DLGAP2: variants seen among roughly 807,000 people sequenced by gnomAD.
The protein encoded by DLGAP2 is disks large-associated protein 2.
In DLGAP2, 26 loss-of-function variants were observed where a neutral mutation model predicts 100.3. That is an observed-to-expected ratio of 0.26 (90% confidence interval 0.19 to 0.36). The LOEUF (loss-of-function observed/expected upper bound fraction) is 0.36, where lower values mean the gene tolerates loss of function less well. Among genes scored for constraint, DLGAP2 ranks in the 10% least tolerant of loss-of-function variants. The pLI is 1.00. For synonymous variants in DLGAP2, 886 were observed against 630.1 expected (o/e 1.41, Z -6.08); for missense variants, 1,858 against 1,453.2 (o/e 1.28, Z -4.53).
At chr8:1,148,641 T>G (rs1471015485) in intron 2 of DLGAP2, among the ~76,000 whole-genome samples, 1 of 152,150 alleles carries the variant, frequency 6.6e-6, no homozygotes, top group Non-Finnish European at 1.5e-5. Flanking sequence ...GCTTAAAACA[T>G]TTTCTAATTT....
At chr8:945,228 C>T (rs1313409910) in intron 2 of DLGAP2, among the ~76,000 whole-genome samples, 1 of 152,178 alleles carries the variant, frequency 6.6e-6, no homozygotes, top group Non-Finnish European at 1.5e-5. Flanking sequence ...AAGGCACCAG[C>T]AGCTGATGGC....
chr8:1,361,809 A>T (rs1445441720), intron 3 of DLGAP2, among the ~76,000 whole-genome samples: 1 of 152,228 alleles, frequency 6.6e-6, no homozygotes, highest in Non-Finnish European at 1.5e-5. Context: ...TCCGTGAGTC[A>T]AATTCTAAGA....
At chr8:1,022,601 T>A (rs1220787269) in intron 2 of DLGAP2, among the ~76,000 whole-genome samples, 3 of 135,072 alleles carry the variant, frequency 2.2e-5, no homozygotes, top group Non-Finnish European at 3.1e-5. Context: ...TCCCTGGGAG[T>A]GGACACTCCC....
At chr8:1,302,968 C>G (rs888443260) in intron 3 of DLGAP2, among the ~76,000 whole-genome samples, 1 of 152,230 alleles carries the variant, frequency 6.6e-6, no homozygotes, top group African/African-American at 2.4e-5. Context: ...ATTCCATCGC[C>G]GCAGGAGTCA....
chr8:817,492 C>A (rs1183589788), intron 1 of DLGAP2, among the ~76,000 whole-genome samples: 1 of 152,170 alleles, frequency 6.6e-6, no homozygotes, highest in African/African-American at 2.4e-5. Flanking sequence ...TGGTTTGGAT[C>A]CATTGCTGGT....
intron 3 of DLGAP2, among the ~76,000 whole-genome samples, chr8:1,453,250 G>C (rs751519539): frequency 5.9e-5 from 9 of 152,134 alleles, no homozygotes; most frequent in Non-Finnish European, 8.8e-5. Context: ...GGAATGGGCC[G>C]TGCTGGCCGG....
At chr8:1,671,325 G>A (rs926066195) in intron 10 of DLGAP2, among the ~76,000 whole-genome samples, 11 of 152,244 alleles carry the variant, frequency 7.2e-5, no homozygotes, top group Non-Finnish European at 1.5e-4. Context: ...TGGCTAGCCC[G>A]TGTTCCACCA....
intron 3 of DLGAP2, among the ~76,000 whole-genome samples, chr8:1,267,558 C>CAAAATAAAATA (rs1799482087): frequency 1.6e-5 from 1 of 63,110 alleles, no homozygotes; most frequent in African/African-American, 9.5e-5. Flanking sequence ...AATTCCCGCT[C>CAAAATAAAATA]AAAATAAAAT....
intron 8 of DLGAP2, among the ~76,000 whole-genome samples, chr8:1,650,471 G>A (rs186722590): frequency 2.0e-5 from 3 of 152,214 alleles, no homozygotes; most frequent in Non-Finnish European, 2.9e-5. Flanking sequence ...TCTCTCACAC[G>A]CTTATTCTGT....
intron 2 of DLGAP2, among the ~76,000 whole-genome samples, chr8:1,152,269 T>G (rs7819618): frequency 0.23 from 35,739 of 152,210 alleles, 4,377 homozygotes; most frequent in Middle Eastern, 0.34. Flanking sequence ...ATGTTTGCAT[T>G]CAGACTTTTG....
chr8:1,023,004 C>A (rs1020747577), intron 2 of DLGAP2, among the ~76,000 whole-genome samples: 1 of 152,208 alleles, frequency 6.6e-6, no homozygotes. Context: ...ATTAAACTCG[C>A]ATGTATCTTT....
intron 2 of DLGAP2, among the ~76,000 whole-genome samples, chr8:981,349 C>A (rs1800325962): frequency 6.6e-6 from 1 of 152,048 alleles, no homozygotes; most frequent in African/African-American, 2.4e-5. Flanking sequence ...TGTGTCCCAC[C>A]TTTTGTCTAT....
At chr8:824,968 A>C (rs1796659550) in intron 1 of DLGAP2, among the ~76,000 whole-genome samples, 1 of 151,962 alleles carries the variant, frequency 6.6e-6, no homozygotes, top group Non-Finnish European at 1.5e-5. Flanking sequence ...GGGCCGCCCC[A>C]CCTCCGTGGC....
chr8:1,528,608 C>A (rs571387913), intron 4 of DLGAP2, among the ~76,000 whole-genome samples: 3 of 152,250 alleles, frequency 2.0e-5, no homozygotes, highest in Non-Finnish European at 4.4e-5. Context: ...CTGGCTCTGT[C>A]TCCTGTCACC....
At chr8:1,255,716 G>T (rs1654628283) in intron 2 of DLGAP2, among the ~76,000 whole-genome samples, 1 of 136,276 alleles carries the variant, frequency 7.3e-6, no homozygotes, top group Admixed American at 7.3e-5. Flanking sequence ...TGGGAGCTGT[G>T]TGTGTGTCCT....
At chr8:1,518,003 T>C (rs1181188206) in intron 4 of DLGAP2, among the ~76,000 whole-genome samples, 1 of 152,238 alleles carries the variant, frequency 6.6e-6, no homozygotes, top group Non-Finnish European at 1.5e-5. Context: ...GGCAGATTTG[T>C]GGACTATTTT....
chr8:820,110 TAGTC>T (rs754913859), intron 1 of DLGAP2, among the ~76,000 whole-genome samples: 1 of 152,228 alleles, frequency 6.6e-6, no homozygotes, highest in Non-Finnish European at 1.5e-5. Flanking sequence ...ATTTTCAAGT[TAGTC>T]AGGAAAATAT....
At chr8:1,664,852 C>T (rs967975235) in intron 8 of DLGAP2, among the ~76,000 whole-genome samples, 14 of 152,224 alleles carry the variant, frequency 9.2e-5, no homozygotes, top group Non-Finnish European at 2.1e-4. Flanking sequence ...TTGAGAACAA[C>T]CTGGCAGGCA....
At chr8:1,576,303 G>T (rs559537934) in intron 6 of DLGAP2, among the ~76,000 whole-genome samples, 12 of 152,240 alleles carry the variant, frequency 7.9e-5, no homozygotes, top group African/African-American at 2.6e-4. Context: ...TCGCCCACTT[G>T]TTGATGGGGT....
Sources: allele counts gnomAD v4.1 joint callset (sites outside exome capture counted in the v4.1 genomes callset), GRCh38; gene constraint gnomAD v4.1.1; transcripts MANE v1.5; gene names NCBI Gene and HGNC (gene_info 2026-07-23, HGNC 2026-07-21).